The following ITGAX variants were observed in gnomAD, a reference collection of about 807,000 sequenced individuals.
ITGAX encodes the protein integrin alpha-X.
Under a neutral mutation model 140.2 loss-of-function variants are expected in ITGAX, and 99 were observed. That is an observed-to-expected ratio of 0.71 (90% confidence interval 0.60 to 0.83). The LOEUF (loss-of-function observed/expected upper bound fraction) is 0.83. Among genes scored for constraint, ITGAX ranks in the 40% least tolerant of loss-of-function variants. ITGAX has a pLI of 0.00. For missense variants in ITGAX, 1,444 were observed against 1,482.0 expected (o/e 0.97, Z 0.42); for synonymous variants, 631 against 600.4 (o/e 1.05, Z -0.75).
intron 1 of ITGAX, 28 bp downstream of exon 1, chr16:31,355,319 C>T (rs1343453309): frequency 6.2e-7 from 1 of 1,613,062 alleles, no homozygotes; most frequent in Admixed American, 1.7e-5. Context: ...TGAAGTAGGG[C>T]TGGGGACCCA....
chr16:31,360,682 G>T (rs1335542146), intron 8 of ITGAX: 11 of 554,084 alleles, frequency 2.0e-5, no homozygotes, highest in Non-Finnish European at 3.5e-5. Context: ...ATCAAGCCTG[G>T]CTATTTTCTT....
chr16:31,360,605 G>A (rs2080813570), intron 8 of ITGAX, 142 bp downstream of exon 8: 1 of 755,246 alleles, frequency 1.3e-6, no homozygotes, highest in African/African-American at 1.8e-5. Context: ...CTGCAGCCTT[G>A]AACTCCTGGG....
At chr16:31,368,199 T>G (rs748231029) in intron 14 of ITGAX, among the ~76,000 whole-genome samples, 1 of 148,760 alleles carries the variant, frequency 6.7e-6, no homozygotes, top group Non-Finnish European at 1.5e-5. Context: ...ATGATATAAA[T>G]ATTGTTGAAA....
At chr16:31,381,726 C>T in intron 29 of ITGAX, 77 bp from the exon 30 acceptor site, 1 of 815,444 alleles carries the variant, frequency 1.2e-6, no homozygotes, top group Admixed American at 1.8e-5. Context: ...AAATAGTGAC[C>T]CCTCTCCCTC....
At chr16:31,365,072 A>G (rs1162149253) in intron 14 of ITGAX, among the ~76,000 whole-genome samples, 1 of 152,192 alleles carries the variant, frequency 6.6e-6, no homozygotes, top group Non-Finnish European at 1.5e-5. Context: ...TGATCTGGCA[A>G]TTCCACCTAT....
chr16:31,382,497 A>C lies in ITGAX; in HGVS notation c.*590A>C, dbSNP rs2081079110. On this transcript the variant is annotated 3_prime_UTR_variant, in exon 30 of 30. Coordinates refer to ENST00000268296, the MANE Select transcript of ITGAX (RefSeq NM_000887.5). ...CCATTACCCTCAGGACAATGTCTGA[A>C]CTCTCCAGCTTCGCGTGAGAAGTCC... 1.3e-6 allele frequency: 2 copies of C among 1,494,616 alleles called. No homozygotes were observed. Among genetic ancestry groups the C allele is most frequent in the Non-Finnish European group, 1.8e-6 (2 of 1,109,322 alleles). The allele number at this position is 1,494,616 out of a possible 1,614,324, so 92.6% of individuals were successfully genotyped here.
At position 31,382,116 on chromosome 16, in the gene ITGAX, C is replaced by CTG. The variant is rs1348223944; in HGVS notation, c.*213_*214dup. The CTG allele has an allele frequency of 7.0e-7, 1 of 1,421,318 alleles. No homozygotes were observed. Among genetic ancestry groups the CTG allele is most frequent in the Non-Finnish European group, 9.1e-7 (1 of 1,093,836 alleles). 88.0% of individuals were successfully genotyped at this position (1,421,318 alleles called of 1,614,324 possible). A position where few individuals can be genotyped will look rare whatever the true frequency, so the allele number is the denominator to read the frequency against. On this transcript the variant is annotated 3_prime_UTR_variant, in exon 30 of 30. Coordinates refer to ENST00000268296, the MANE Select transcript of ITGAX (RefSeq NM_000887.5). ...GGAAACCCTTAGGACAGGGTCCCTGCTGTGTTCCCCAAAGGACTTGACTTG... is the reference window on the plus strand; with the variant it reads ...GGAAACCCTTAGGACAGGGTCCCTGCTGTGTGTTCCCCAAAGGACTTGACTTG...
chr16:31,356,391 A>T (rs966679412), intron 2 of ITGAX: 4 of 488,010 alleles, frequency 8.2e-6, no homozygotes, highest in African/African-American at 1.9e-5. Context: ...CAGCCTCCCA[A>T]AGTGCTGGGA....
At chr16:31,357,716 A>G in intron 5 of ITGAX, 2 of 441,430 alleles carry the variant, frequency 4.5e-6, no homozygotes, top group Non-Finnish European at 7.9e-6. Context: ...TGTTATTTTT[A>G]GAGGAGAGGA....
rs376832126 is a variant in ITGAX, at chr16:31,372,375, C to A, written c.2161-3C>A. The A allele has an allele frequency of 1.8e-5, 28 of 1,599,952 alleles. No individual in the cohort carries two copies. In the African/African-American group the frequency reaches 3.8e-4, roughly 22 times the overall value. On this transcript the variant is annotated splice_region_variant and splice_polypyrimidine_tract_variant and intron_variant, in intron 17 of 29. Coordinates refer to ENST00000268296, the MANE Select transcript of ITGAX (RefSeq NM_000887.5). ...TCCGCTCCCCGCGACGCCCGTCCCC[C>A]AGAGCTGCGTGGAGGACTCTGTGAC...
chr16:31,356,421 C>T, intron 2 of ITGAX: 1 of 544,858 alleles, frequency 1.8e-6, no homozygotes, highest in South Asian at 2.1e-5. Context: ...TGAGCCACCA[C>T]ACCCAGACTC....
At chr16:31,373,100 A>AG in intron 19 of ITGAX, 149 bp from the exon 20 acceptor site, 3 of 693,496 alleles carry the variant, frequency 4.3e-6, no homozygotes, top group South Asian at 4.2e-5. Flanking sequence ...CTCTTAAAAA[A>AG]AAAGAAGAAG....
intron 14 of ITGAX, among the ~76,000 whole-genome samples, chr16:31,364,291 G>A (rs1474006816): frequency 1.3e-5 from 2 of 151,952 alleles, no homozygotes; most frequent in African/African-American, 4.8e-5. Context: ...AGGCATTGTG[G>A]TGCTGTAGTA....
Position 31,371,361 on chromosome 16 carries a change from G to A in ITGAX, c.1869G>A (p.Val623=). 6.2e-7 allele frequency: 1 copy of A among 1,614,190 alleles called. No individual in the cohort carries two copies. Among genetic ancestry groups the A allele is most frequent in the East Asian group, 2.2e-5 (1 of 44,884 alleles). Residue 623 remains valine (V), a synonymous_variant, in exon 16 of 30, where the codon GTG becomes GTA. Transcript: ENST00000268296. ...LRTRPVLWVG[V]SMQFIPAEIP... The stretch of plus-strand genomic sequence containing the variant: ...CCAGACCTGTGCTCTGGGTGGGGGT[G>A]AGCATGCAGTTCATACCTGCCGAGA...
In ITGAX at chr16:31,356,620, C is replaced by A. The variant is rs554298187; in HGVS notation, c.144-5C>A. 6.3e-7 allele frequency: 1 copy of A among 1,588,226 alleles called. No homozygotes were observed. ...TTACCTAAAGTGTTCTTTGTCTCCT[C>A]GCAGGGTGGTGGTTGGAGCCCCCCA... is the stretch of plus-strand genomic sequence containing the variant. On this transcript the variant is annotated splice_polypyrimidine_tract_variant and splice_region_variant and intron_variant, in intron 2 of 29. Coordinates refer to ENST00000268296, the MANE Select transcript of ITGAX (RefSeq NM_000887.5).
chr16:31,372,294 A>G, intron 17 of ITGAX, 84 bp from the exon 18 acceptor site: 1 of 1,501,666 alleles, frequency 6.7e-7, no homozygotes, highest in Non-Finnish European at 8.9e-7. Context: ...AGCTGGGCAG[A>G]GGCAGGATAA....
Position 31,373,290 on chromosome 16 carries a change from C to T in ITGAX, c.2408C>T (p.Ala803Val). 4 of 1,613,878 alleles carry T rather than the reference C, an allele frequency of 2.5e-6. No homozygotes were observed. Among genetic ancestry groups the T allele is most frequent in the Non-Finnish European group, 3.4e-6 (4 of 1,179,996 alleles). Residue 803 changes from alanine (A) to valine (V), a missense_variant, in exon 20 of 30, where the codon GCA becomes GTA. Coordinates refer to ENST00000268296, the MANE Select transcript of ITGAX (RefSeq NM_000887.5). ...GTGGGGAGTAACCTGGAGCTGAACG[C>T]AGAAGTGATGGTGTGGAATGACGGG... ...LLVGSNLELN[A>V]EVMVWNDGED... is the part of the protein sequence containing the mutation.
chr16:31,362,011 A>G (rs2080832122), intron 10 of ITGAX, 64 bp from the exon 11 acceptor site: 2 of 1,612,978 alleles, frequency 1.2e-6, no homozygotes, highest in South Asian at 1.1e-5. Context: ...CGGAAGGCAT[A>G]TCTCTGGTAC....
intron 14 of ITGAX, among the ~76,000 whole-genome samples, chr16:31,364,383 C>A (rs1163202816): frequency 2.9e-5 from 4 of 137,614 alleles, no homozygotes. Flanking sequence ...GCTATGATTG[C>A]GTCACTTCAC....
Sources: allele counts gnomAD v4.1 joint callset (sites outside exome capture counted in the v4.1 genomes callset), GRCh38; gene constraint gnomAD v4.1.1; transcripts MANE v1.5; gene names NCBI Gene and HGNC (gene_info 2026-07-23, HGNC 2026-07-21).